Variants in UAP1 observed in about 807,000 individuals in gnomAD.
UAP1 encodes the protein UDP-N-acetylhexosamine pyrophosphorylase.
In UAP1, 25 loss-of-function variants were observed where a neutral mutation model predicts 58.5. The observed-to-expected ratio is 0.43, with a 90% CI of 0.31 to 0.60. The LOEUF (loss-of-function observed/expected upper bound fraction) is 0.60, where lower values mean the gene tolerates loss of function less well. UAP1 is among the 20% of genes least tolerant of loss of function. The pLI is 0.11. For missense variants in UAP1, 575 were observed against 630.0 expected (o/e 0.91, Z 0.93); for synonymous variants, 208 against 213.0 (o/e 0.98, Z 0.21).
chr1:162,580,229 C>G (rs1345407120), intron 4 of UAP1, among the ~76,000 whole-genome samples: 4 of 152,160 alleles, frequency 2.6e-5, no homozygotes, highest in Admixed American at 6.6e-5. Flanking sequence ...ATAGTGAAAA[C>G]TTGGAAACCA....
intron 2 of UAP1, among the ~76,000 whole-genome samples, chr1:162,575,046 C>G (rs1343416230): frequency 1.3e-5 from 2 of 151,964 alleles, no homozygotes; most frequent in Non-Finnish European, 2.9e-5. Context: ...GTATAGATGG[C>G]CCATTTTTTA....
At chr1:162,587,788 C>T (rs41271987) in intron 6 of UAP1, 120 bp downstream of exon 6, 123,844 of 970,544 alleles carry the variant, frequency 0.13, 9,098 homozygotes, top group Non-Finnish European at 0.14. Context: ...TCCTGAGGAT[C>T]ACTTATCAAA....
intron 2 of UAP1, among the ~76,000 whole-genome samples, chr1:162,573,979 A>G (rs1654020891): frequency 6.6e-6 from 1 of 152,024 alleles, no homozygotes; most frequent in African/African-American, 2.4e-5. Flanking sequence ...AAAAAAGAAG[A>G]AATAGCTGGA....
At chr1:162,600,505 CCAAA>C (rs1034984007), downstream of UAP1, among the ~76,000 whole-genome samples, 88 of 151,804 alleles carry the variant, frequency 5.8e-4, no homozygotes, top group African/African-American at 2.1e-3. Context: ...TAAGTATTGA[CCAAA>C]AGTATAAAAA....
chr1:162,589,246 G>GTT (rs1557977730), intron 7 of UAP1, among the ~76,000 whole-genome samples: 2 of 118,540 alleles, frequency 1.7e-5, no homozygotes, highest in South Asian at 2.4e-4. Flanking sequence ...TAAATTTATA[G>GTT]TTATATATAA....
intron 1 of UAP1, 77 bp from the exon 2 acceptor site, chr1:162,565,929 ATATTCT>A: frequency 2.4e-6 from 2 of 841,718 alleles, no homozygotes; most frequent in Non-Finnish European, 3.6e-6. Context: ...TCGTTTTGAA[ATATTCT>A]TATTTTTAGA....
At chr1:162,563,379 T>G (rs1653286858) in intron 1 of UAP1, among the ~76,000 whole-genome samples, 1 of 152,094 alleles carries the variant, frequency 6.6e-6, no homozygotes, top group Non-Finnish European at 1.5e-5. Context: ...ATTTTTATTT[T>G]TTGAGACGGA....
chr1:162,576,578 A>G (rs924837882), intron 2 of UAP1, among the ~76,000 whole-genome samples, 199 bp from the exon 3 acceptor site: 1 of 152,204 alleles, frequency 6.6e-6, no homozygotes, highest in Non-Finnish European at 1.5e-5. Flanking sequence ...CCATGTGATC[A>G]ATAAAAGCAG....
At position 162,588,673 on chromosome 1, in the gene UAP1, T is replaced by G. The variant is rs1364015429; in HGVS notation, c.1029-20T>G. On this transcript the variant is annotated intron_variant, in intron 6 of 10. Coordinates refer to ENST00000271469, the Ensembl canonical transcript of UAP1. The stretch of plus-strand genomic sequence containing the variant: ...TTAAATCTGGAACGTGATTATATCT[T>G]TTCTCCTCCTGCTTCTTAGTGTTTA... The G allele has an allele frequency of 6.3e-7, 1 of 1,591,704 alleles. No individual in the cohort carries two copies.
Position 162,588,684 on chromosome 1 carries a change from G to A in UAP1, c.1029-9G>A. The A allele has an allele frequency of 1.3e-6, 2 of 1,593,112 alleles. No individual in the cohort carries two copies. Among genetic ancestry groups the A allele is most frequent in the South Asian group, 2.3e-5 (2 of 86,998 alleles). On this transcript the variant is annotated splice_polypyrimidine_tract_variant and intron_variant, in intron 6 of 10. Transcript: ENST00000271469. ...ACGTGATTATATCTTTTCTCCTCCT[G>A]CTTCTTAGTGTTTATGAACCTCAGT...
At chr1:162,581,775 A>G (rs368065247) in intron 5 of UAP1, among the ~76,000 whole-genome samples, 18 of 152,370 alleles carry the variant, frequency 1.2e-4, no homozygotes, top group African/African-American at 3.1e-4. Context: ...GATTAACCCA[A>G]CTTTTTTCCT....
chr1:162,579,877 A>G (rs1654476099), intron 4 of UAP1, among the ~76,000 whole-genome samples: 1 of 151,964 alleles, frequency 6.6e-6, no homozygotes, highest in South Asian at 2.1e-4. Context: ...ATTTTTTACA[A>G]TTTTTGAGAC....
chr1:162,576,042 C>T (rs911597649), intron 2 of UAP1, among the ~76,000 whole-genome samples: 1 of 152,164 alleles, frequency 6.6e-6, no homozygotes, highest in Non-Finnish European at 1.5e-5. Context: ...TTTCCATCAC[C>T]ATACAAAGAC....
chr1:162,561,941 G>GC (rs1466612438), intron 1 of UAP1, among the ~76,000 whole-genome samples, 164 bp downstream of exon 1: 14 of 152,206 alleles, frequency 9.2e-5, no homozygotes, highest in African/African-American at 3.4e-4. Context: ...CCTCCCGCTC[G>GC]CCCGCAGACA....
At chr1:162,589,365 C>T (rs564607650) in intron 7 of UAP1, among the ~76,000 whole-genome samples, 5 of 144,870 alleles carry the variant, frequency 3.5e-5, no homozygotes, top group African/African-American at 1.3e-4. Context: ...GTTGAGCAGG[C>T]GGGTCTCAAA....
intron 9 of UAP1, 84 bp downstream of exon 9, chr1:162,592,866 G>T: frequency 1.6e-6 from 2 of 1,262,348 alleles, no homozygotes; most frequent in Non-Finnish European, 2.3e-6. Flanking sequence ...TTAGTGCTCT[G>T]CCTTTTGGGG....
chr1:162,591,207 G>C (rs1655291560), intron 8 of UAP1, among the ~76,000 whole-genome samples: 3 of 152,060 alleles, frequency 2.0e-5, no homozygotes, highest in Non-Finnish European at 4.4e-5. Context: ...TTACAGGTGT[G>C]AGCCACTGGG....
At chr1:162,569,829 G>A (rs1442046537) in intron 2 of UAP1, among the ~76,000 whole-genome samples, 1 of 152,100 alleles carries the variant, frequency 6.6e-6, no homozygotes, top group Non-Finnish European at 1.5e-5. Context: ...CTAGGGTACT[G>A]ATGTTTTTAA....
At chr1:162,581,566 C>T (rs1654587942) in intron 5 of UAP1, 107 bp downstream of exon 5, 1 of 1,189,544 alleles carries the variant, frequency 8.4e-7, no homozygotes, top group Non-Finnish European at 1.2e-6. Flanking sequence ...TATTTTAGAA[C>T]CATTTATCTC....
Sources: gnomAD v4.1 joint callset for allele counts (sites outside exome capture counted in the v4.1 genomes callset) on GRCh38, gnomAD v4.1.1 for gene constraint, MANE v1.5 for transcripts, NCBI Gene and HGNC (gene_info 2026-07-23, HGNC 2026-07-21) for gene names.